Variants in TTLL8 observed in about 807,000 individuals in gnomAD.
TTLL8 encodes tubulin tyrosine ligase like 8.
A neutral mutation model predicts 77.8 loss-of-function variants in TTLL8; 65 were observed. The ratio of observed to expected loss-of-function variants is 0.84; its 90% CI spans 0.68 to 1.03. The LOEUF (loss-of-function observed/expected upper bound fraction) is 1.03, where lower values mean the gene tolerates loss of function less well. Among genes scored for constraint, TTLL8 ranks in the 50% least tolerant of loss-of-function variants. The pLI, the probability that TTLL8 is intolerant of heterozygous loss-of-function variation, is 0.00. For missense variants in TTLL8, 910 were observed against 1,004.5 expected (o/e 0.91, Z 1.27); for synonymous variants, 402 against 422.8 (o/e 0.95, Z 0.60).
chr22:50,039,625 C>T (rs1361632902), intron 8 of TTLL8, among the ~76,000 whole-genome samples: 5 of 152,244 alleles, frequency 3.3e-5, no homozygotes, highest in Non-Finnish European at 7.3e-5. Flanking sequence ...GAACAAAACT[C>T]GTAACTACAG....
chr22:50,043,488 T>A (rs1358865022), intron 6 of TTLL8, among the ~76,000 whole-genome samples: 2 of 143,390 alleles, frequency 1.4e-5, no homozygotes, highest in Non-Finnish European at 3.1e-5. Context: ...TGCCGACATG[T>A]TCTTCGGTAG....
intron 10 of TTLL8, among the ~76,000 whole-genome samples, chr22:50,032,651 G>A (rs139069848): frequency 4.9e-4 from 74 of 152,310 alleles, no homozygotes; most frequent in East Asian, 1.9e-3. Flanking sequence ...CTGCCCAGCC[G>A]TCAGGTCCCC....
chr22:50,031,502 C>T, intron 11 of TTLL8, 184 bp downstream of exon 12: 1 of 973,124 alleles, frequency 1.0e-6, no homozygotes, highest in Non-Finnish European at 1.2e-6. Flanking sequence ...CACTGAGCCC[C>T]ATGGGAGAGC....
At chr22:50,050,330 A>G in intron 1 of TTLL8, 83 bp from the exon 4 acceptor site, 1 of 1,015,900 alleles carries the variant, frequency 9.8e-7, no homozygotes, top group East Asian at 6.0e-5. Context: ...TAAGCTTGTT[A>G]GTGCTGGTTT....
chr22:50,032,487 C>A (rs1212259992), intron 10 of TTLL8, among the ~76,000 whole-genome samples: 1 of 152,234 alleles, frequency 6.6e-6, no homozygotes, highest in African/African-American at 2.4e-5. Context: ...CTGGCCAGCT[C>A]CTCCCAGGCC....
intron 8 of TTLL8, among the ~76,000 whole-genome samples, chr22:50,040,481 G>T (rs1275959651): frequency 6.6e-6 from 1 of 152,264 alleles, no homozygotes; most frequent in Non-Finnish European, 1.5e-5. Context: ...GTTCATGGTT[G>T]CAGGAGCCAG....
At chr22:50,045,649 C>T (rs1400082121) in intron 5 of TTLL8, 2 of 672,332 alleles carry the variant, frequency 3.0e-6, no homozygotes, top group East Asian at 2.7e-4. Flanking sequence ...GTCCACAAGC[C>T]TAGCACAGAA....
intron 12 of TTLL8, chr22:50,027,732 G>T (rs147296518): frequency 1.0e-6 from 1 of 985,418 alleles, no homozygotes; most frequent in Non-Finnish European, 1.2e-6. Flanking sequence ...TGAGAGCAAC[G>T]GTGCGGTTGC....
chr22:50,030,835 A>C (rs757402247), exon 12 of TTLL8: 2 of 1,343,560 alleles, frequency 1.5e-6, no homozygotes, highest in African/African-American at 3.0e-5. Flanking sequence ...TTGAGGTTGC[A>C]GACGGGCAGC....
chr22:50,056,237 A>T (rs2061470085), upstream of TTLL8, among the ~76,000 whole-genome samples: 1 of 152,212 alleles, frequency 6.6e-6, no homozygotes, highest in African/African-American at 2.4e-5. The surrounding 1 kb of genome is among the most constrained non-coding windows in gnomAD (Gnocchi z 4.1). Flanking sequence ...GCGCGATTTA[A>T]CCGCGGCCTG....
At chr22:50,054,580 G>A (rs868114997) in exon 1 of TTLL8, 2 of 246,380 alleles carry the variant, frequency 8.1e-6, no homozygotes, top group East Asian at 1.1e-4. Flanking sequence ...ACCTACGCAG[G>A]CATTCTCTGA....
At chr22:50,047,670 G>C (rs905140980) in intron 3 of TTLL8, among the ~76,000 whole-genome samples, 15 of 152,172 alleles carry the variant, frequency 9.9e-5, no homozygotes, top group African/African-American at 3.4e-4. Context: ...CCTGTACCAT[G>C]GGCCCTGCAC....
chr22:50,036,209 C>G (rs1446249526), intron 8 of TTLL8, among the ~76,000 whole-genome samples: 1 of 152,210 alleles, frequency 6.6e-6, no homozygotes, highest in Non-Finnish European at 1.5e-5. Flanking sequence ...CCAGGGACTC[C>G]AGAGAGACCC....
In TTLL8 at chr22:50,031,291, G is replaced by A. The variant is rs557291404; in HGVS notation, c.1708-366C>T. Among the ~76,000 whole-genome samples, 8 of 152,356 alleles carry A rather than the reference G, an allele frequency of 5.3e-5. No individual in the cohort carries two copies. In the East Asian group the frequency reaches 1.3e-3, roughly 26 times the overall value. Reference sequence around the variant, plus strand: ...GCCCGCGAAAGATCCTCAGAGTGGAGGAGGCACTGCAGGCCAAGGCAAAGG... The same window carrying A: ...GCCCGCGAAAGATCCTCAGAGTGGAAGAGGCACTGCAGGCCAAGGCAAAGG... On this transcript the variant is annotated intron_variant, in intron 11 of 13. Coordinates refer to ENST00000266182, the Ensembl canonical transcript of TTLL8.
upstream of TTLL8, among the ~76,000 whole-genome samples, chr22:50,057,553 G>A (rs865900742): frequency 1.2e-5 from 1 of 81,080 alleles, no homozygotes; most frequent in African/African-American, 8.3e-5. Flanking sequence ...GTCTGGGTTG[G>A]GGGTCAGGTC....
chr22:50,031,586 G>A, intron 11 of TTLL8, 100 bp downstream of exon 12: 4 of 1,196,570 alleles, frequency 3.3e-6, no homozygotes, highest in Middle Eastern at 7.5e-4. Context: ...AGACCCCGCT[G>A]CACTGGCGGC....
At chr22:50,033,381 G>A (rs773869408) in exon 10 of TTLL8, 10 of 1,365,146 alleles carry the variant, frequency 7.3e-6, no homozygotes, top group Admixed American at 1.9e-5. Context: ...TGTTGTCCCT[G>A]GAAAGAGGGT....
At chr22:50,055,088 G>A (rs955812451), upstream of TTLL8, 3 of 1,102,578 alleles carry the variant, frequency 2.7e-6, no homozygotes, top group African/African-American at 5.0e-5. Flanking sequence ...TAAATGAAAG[G>A]TAACATGAGC....
chr22:50,050,035 G>GGCCGGC, intron 2 of TTLL8, 74 bp downstream of exon 4: 1 of 1,313,890 alleles, frequency 7.6e-7, no homozygotes, highest in Non-Finnish European at 1.0e-6. Context: ...ACCACACTCA[G>GGCCGGC]GCCGGCGCCG....
Sources: gnomAD v4.1 joint callset for allele counts (sites outside exome capture counted in the v4.1 genomes callset) on GRCh38, gnomAD v4.1.1 for gene constraint, Gnocchi (gnomAD v3.1) non-coding constraint, MANE v1.5 for transcripts, NCBI Gene and HGNC (gene_info 2026-07-23, HGNC 2026-07-21) for gene names.